UMODL1: variants seen among roughly 807,000 people sequenced by gnomAD.
The protein encoded by UMODL1 is uromodulin like 1, also known as uromodulin-like 1.
A neutral mutation model predicts 136.3 loss-of-function variants in UMODL1; 128 were observed. The ratio of observed to expected loss-of-function variants is 0.94; its 90% CI spans 0.81 to 1.09. UMODL1 has a LOEUF of 1.09. Among genes scored for constraint, UMODL1 ranks in the 50% least tolerant of loss-of-function variants. The pLI is 0.00. For missense variants in UMODL1, 1,766 were observed against 1,725.6 expected, an observed-to-expected ratio of 1.02 and a Z score of -0.41; for synonymous variants, 721 against 720.0, an observed-to-expected ratio of 1.00 and a Z score of -0.02.
intron 4 of UMODL1, among the ~76,000 whole-genome samples, chr21:42,086,082 C>G (rs528991113): frequency 6.6e-6 from 1 of 152,218 alleles, no homozygotes; most frequent in African/African-American, 2.4e-5. Context: ...CCATCAGTCT[C>G]GGGAATCCCA....
At chr21:42,109,241 AAGAG>A (rs1045745785) in intron 9 of UMODL1, among the ~76,000 whole-genome samples, 8 of 152,168 alleles carry the variant, frequency 5.3e-5, no homozygotes, top group African/African-American at 1.7e-4. Flanking sequence ...TGGCACATCA[AAGAG>A]AGAGGAGAAA....
chr21:42,075,964 T>G, intron 1 of UMODL1, 41 bp from the exon 2 acceptor site: 6 of 1,609,156 alleles, frequency 3.7e-6, no homozygotes, highest in Non-Finnish European at 5.1e-6. Flanking sequence ...ACGGATCTGA[T>G]CCTGGTGTTC....
At position 42,137,597 on chromosome 21, in the gene UMODL1, A is replaced by G. The variant is rs200403033; in HGVS notation, c.3934A>G (p.Ser1312Gly). The change falls in exon 22 of 23, where the codon AGC becomes GGC. Residue 1312 changes from serine to glycine, a missense_variant. Ser to Gly is a moderately conservative substitution (Grantham distance 56). Transcript: ENST00000408910. ...YNFKIQSNNF[S>G]YQVFYE ...CTTTAAAATCCAGTCCAACAACTTC[A>G]GCTACCAGGTGTTCTACGAATAGGA... 8.2e-4 allele frequency: 1,318 copies of G among 1,614,022 alleles called. 2 individuals are homozygous for G. Among genetic ancestry groups the G allele is most frequent in the Middle Eastern group, 1.3e-3 (8 of 6,062 alleles).
At chr21:42,127,927 G>A (rs1190463848) in intron 20 of UMODL1, 96 bp downstream of exon 20, 2 of 1,533,300 alleles carry the variant, frequency 1.3e-6, no homozygotes, top group East Asian at 4.6e-5. Context: ...GGCTCGAGTG[G>A]CTCGGGGCCA....
intron 22 of UMODL1, among the ~76,000 whole-genome samples, chr21:42,140,365 A>C (rs182644770): frequency 9.1e-6 from 1 of 110,332 alleles, no homozygotes; most frequent in Admixed American, 9.3e-5. Flanking sequence ...TCACGTGGCT[A>C]GGAGGTCCAG....
intron 9 of UMODL1, among the ~76,000 whole-genome samples, chr21:42,107,173 G>A (rs1465863685): frequency 6.6e-6 from 1 of 152,184 alleles, no homozygotes; most frequent in East Asian, 1.9e-4. Context: ...TCTGCTCTCA[G>A]GAGAGATTCT....
chr21:42,091,125 C>T (rs752008039), intron 6 of UMODL1, among the ~76,000 whole-genome samples: 2 of 150,622 alleles, frequency 1.3e-5, no homozygotes, highest in African/African-American at 4.8e-5. Flanking sequence ...ACCCTCGCAT[C>T]TTCTTTGGCT....
intron 6 of UMODL1, 23 bp from the exon 7 acceptor site, chr21:42,098,903 C>A: frequency 6.2e-7 from 1 of 1,611,852 alleles, no homozygotes; most frequent in Non-Finnish European, 8.5e-7. Context: ...CTTTGCTCAT[C>A]TTCTCTGTCT....
At chr21:42,101,580 G>C (rs892073705) in intron 7 of UMODL1, 3 of 387,074 alleles carry the variant, frequency 7.8e-6, no homozygotes, top group Non-Finnish European at 1.5e-5. Flanking sequence ...TGCATGCTGG[G>C]TTTCCTTTCA....
At chr21:42,072,295 AT>A (rs949150284) in intron 1 of UMODL1, among the ~76,000 whole-genome samples, 3 of 152,132 alleles carry the variant, frequency 2.0e-5, no homozygotes, top group Non-Finnish European at 4.4e-5. Flanking sequence ...TTTTAAAATC[AT>A]TTTCCTCTTA....
At chr21:42,113,189 T>C (rs1166284494) in intron 12 of UMODL1, 2 of 171,692 alleles carry the variant, frequency 1.2e-5, no homozygotes, top group Non-Finnish European at 2.5e-5. Context: ...TTGTCACCAA[T>C]GTCAACTCCT....
At chr21:42,128,189 C>CAA in intron 20 of UMODL1, 1 of 354,048 alleles carries the variant, frequency 2.8e-6, no homozygotes. Context: ...TTATTTTTAA[C>CAA]AACATTGATG....
intron 22 of UMODL1, among the ~76,000 whole-genome samples, chr21:42,140,083 C>T (rs942446668): frequency 6.6e-6 from 1 of 152,176 alleles, no homozygotes; most frequent in African/African-American, 2.4e-5. Flanking sequence ...GAGCCAGTGT[C>T]TACTACACTT....
chr21:42,092,467 T>C (rs961243411), intron 6 of UMODL1, among the ~76,000 whole-genome samples: 3 of 152,136 alleles, frequency 2.0e-5, no homozygotes, highest in Admixed American at 6.5e-5. Context: ...GTTCCTATAA[T>C]GTGTATAAAG....
rs769651495 is a variant in UMODL1 at position 42,119,274 on chromosome 21, T to C, written c.2639T>C (p.Phe880Ser). The change falls in exon 15 of 23, where the codon TTC becomes TCC. Residue 880 changes from phenylalanine to serine, a missense_variant. Coordinates refer to ENST00000408910, the MANE Select transcript of UMODL1 (RefSeq NM_001004416.3). ...GTGTCAGCTGCATTTCTCACCGCCT[T>C]CCAGACCGTGCCTCTGCTGGAGGTG... The part of the protein sequence containing the change: ...QEVSAAFLTA[F>S]QTVPLLEVIR... 1 of 1,614,168 alleles carries C rather than the reference T, an allele frequency of 6.2e-7. No individual in the cohort carries two copies. The highest frequency in any genetic ancestry group is 1.1e-5 in the South Asian group (1 of 91,082).
At chr21:42,081,608 G>A (rs1486157525) in intron 2 of UMODL1, among the ~76,000 whole-genome samples, 1 of 152,106 alleles carries the variant, frequency 6.6e-6, no homozygotes, top group Non-Finnish European at 1.5e-5. Context: ...GCCAGTTTTG[G>A]GGGGATTGTT....
At chr21:42,131,416 C>T (rs12627707) in intron 21 of UMODL1, among the ~76,000 whole-genome samples, 4,462 of 100,824 alleles carry the variant, frequency 0.044, 203 homozygotes, top group East Asian at 0.21. Context: ...AGGGAGGTCT[C>T]GGCCATGAAG....
rs762225615 is a variant in UMODL1, at chr21:42,137,421, G to A, written c.3776-18G>A. On this transcript the variant is annotated intron_variant, in intron 21 of 22. Transcript: ENST00000408910. ...CCGTTTGTGCAGATCTCTCACCTGT[G>A]CCTGTCTCCTCCCCGAGGTGAGCCT... 2 of 1,613,616 alleles carry A rather than the reference G, an allele frequency of 1.2e-6. No individual in the cohort carries two copies. Among genetic ancestry groups the A allele is most frequent in the Middle Eastern group, 3.4e-4 (2 of 5,920 alleles).
intron 13 of UMODL1, among the ~76,000 whole-genome samples, chr21:42,115,304 AAGATTCAGATGGAAC>A (rs2066888721): frequency 6.6e-6 from 1 of 152,228 alleles, no homozygotes; most frequent in Non-Finnish European, 1.5e-5. Context: ...GCGGAGGGAA[AAGATTCAGATGGAAC>A]AGATGATGCC....
Sources: allele counts gnomAD v4.1 joint callset (sites outside exome capture counted in the v4.1 genomes callset), GRCh38; gene constraint gnomAD v4.1.1; transcripts MANE v1.5; gene names NCBI Gene and HGNC (gene_info 2026-07-23, HGNC 2026-07-21).